GLMN: variants seen among roughly 807,000 people sequenced by gnomAD.
GLMN encodes the protein glomulin.
A neutral mutation model predicts 87.8 loss-of-function variants in GLMN; 75 were observed. The observed-to-expected ratio is 0.85, with a 90% CI of 0.71 to 1.04. The LOEUF (loss-of-function observed/expected upper bound fraction) is 1.04, where lower values mean the gene tolerates loss of function less well. Ranked by LOEUF, GLMN falls within the 50% of genes least tolerant of loss-of-function variation. GLMN has a pLI of 0.00. For synonymous variants in GLMN, 206 were observed against 221.6 expected (o/e 0.93, Z 0.63); for missense variants, 588 against 658.8 (o/e 0.89, Z 1.18).
At chr1:92,273,089 T>C (rs1656417274) in intron 7 of GLMN, among the ~76,000 whole-genome samples, 1 of 152,170 alleles carries the variant, frequency 6.6e-6, no homozygotes, top group African/African-American at 2.4e-5. Flanking sequence ...TTTTATTCAA[T>C]AAACACTTAA....
At chr1:92,295,856 A>C (rs1405735637) in intron 3 of GLMN, among the ~76,000 whole-genome samples, 1 of 152,280 alleles carries the variant, frequency 6.6e-6, no homozygotes, top group Non-Finnish European at 1.5e-5. Flanking sequence ...TGGTACATGT[A>C]AACATGCAAT....
the GLMN span, chr1:92,363,807 AT>A: frequency 3.7e-4 from 100 of 271,936 alleles, no homozygotes; most frequent in South Asian, 7.1e-4. Flanking sequence ...TTTGCTTAAC[AT>A]TTTTTTTCCT....
chr1:92,289,254 C>T, intron 5 of GLMN, 103 bp from the exon 6 acceptor site: 1 of 776,568 alleles, frequency 1.3e-6, no homozygotes. Context: ...CACATTTTAA[C>T]AACTCTTGAA....
At chr1:92,325,042 T>A in the GLMN span, among the ~76,000 whole-genome samples, 1 of 152,200 alleles carries the variant, frequency 6.6e-6, no homozygotes. Flanking sequence ...TATAAAGCAT[T>A]TATCACAGTA....
At chr1:92,328,086 ATTCT>A in the GLMN span, among the ~76,000 whole-genome samples, 1 of 152,160 alleles carries the variant, frequency 6.6e-6, no homozygotes, top group Admixed American at 6.5e-5. Flanking sequence ...TGCTCTTAAG[ATTCT>A]TTCCTTCATC....
chr1:92,310,377 C>T, the GLMN span, among the ~76,000 whole-genome samples: 1 of 152,138 alleles, frequency 6.6e-6, no homozygotes, highest in Non-Finnish European at 1.5e-5. Context: ...AGCTATTGCA[C>T]ATTTAAGCTC....
chr1:92,346,169 GTTT>G, the GLMN span, among the ~76,000 whole-genome samples: 1 of 140,382 alleles, frequency 7.1e-6, no homozygotes. Context: ...TCTCTTTTTT[GTTT>G]TTTTTTTTTG....
chr1:92,321,302 T>C, the GLMN span, among the ~76,000 whole-genome samples: 1 of 152,188 alleles, frequency 6.6e-6, no homozygotes, highest in African/African-American at 2.4e-5. Flanking sequence ...GTTAAATTGT[T>C]CTAATTTTTT....
At chr1:92,322,324 C>T in the GLMN span, among the ~76,000 whole-genome samples, 2 of 151,874 alleles carry the variant, frequency 1.3e-5, no homozygotes, top group South Asian at 4.2e-4. Flanking sequence ...ACAGGTGGAT[C>T]ACTTGAGGTC....
upstream of GLMN, among the ~76,000 whole-genome samples, chr1:92,302,223 G>A (rs1487512854): frequency 2.6e-5 from 4 of 151,852 alleles, no homozygotes; most frequent in Non-Finnish European, 5.9e-5. Context: ...GTTGCAGTGA[G>A]CTGAGATCAC....
At chr1:92,370,109 TC>T in the GLMN span, among the ~76,000 whole-genome samples, 1 of 152,212 alleles carries the variant, frequency 6.6e-6, no homozygotes, top group Non-Finnish European at 1.5e-5. Flanking sequence ...TGTCTTGAAC[TC>T]CTGGCCAAAA....
At chr1:92,262,987 A>G (rs1302349223) in intron 15 of GLMN, 61 bp from the exon 16 acceptor site, 10 of 716,730 alleles carry the variant, frequency 1.4e-5, no homozygotes, top group Non-Finnish European at 2.3e-5. Context: ...AGCAATCTCA[A>G]TAAGCTAAAA....
intron 16 of GLMN, chr1:92,248,308 C>T (rs1166052818): frequency 4.1e-6 from 1 of 244,312 alleles, no homozygotes; most frequent in Non-Finnish European, 8.0e-6. Flanking sequence ...GAGCCATCTC[C>T]ACAATGACTC....
In GLMN at chr1:92,271,497, G is replaced by A. The variant is rs1317515304; in HGVS notation, c.891C>T (p.Gly297=). 6.2e-7 allele frequency: 1 copy of A among 1,612,762 alleles called. No individual in the cohort carries two copies. ...CCATTGGAAGCTGATCAATATGGAT[G>A]CCCTGTACAAATACTAGATATGCCA... ...ASLAYLVFVQ[G]IHIDQLPMVL... The change falls in exon 8 of 19, where the codon GGC becomes GGT. Residue 297 remains glycine, a synonymous_variant. Transcript: ENST00000370360.
intron 16 of GLMN, among the ~76,000 whole-genome samples, chr1:92,252,515 C>T (rs918004937): frequency 2.6e-5 from 4 of 152,098 alleles, no homozygotes; most frequent in Non-Finnish European, 5.9e-5. Flanking sequence ...TGGCAATAGC[C>T]CATAATCATA....
chr1:92,307,401 G>T, the GLMN span: 2 of 591,430 alleles, frequency 3.4e-6, no homozygotes, highest in Non-Finnish European at 5.7e-6. Context: ...TACTTTATGG[G>T]GAAATGGTTA....
chr1:92,315,371 A>G, the GLMN span, among the ~76,000 whole-genome samples: 2 of 152,224 alleles, frequency 1.3e-5, no homozygotes, highest in African/African-American at 2.4e-5. Flanking sequence ...ATTACCACAT[A>G]TTACTATAAC....
the GLMN span, among the ~76,000 whole-genome samples, chr1:92,347,226 G>T: frequency 6.6e-6 from 1 of 152,218 alleles, no homozygotes; most frequent in African/African-American, 2.4e-5. Flanking sequence ...ACTATTCAGT[G>T]TTCCAGCTGA....
At chr1:92,314,732 G>T in the GLMN span, among the ~76,000 whole-genome samples, 2 of 140,284 alleles carry the variant, frequency 1.4e-5, no homozygotes, top group African/African-American at 5.4e-5. Flanking sequence ...AACAGAGTGA[G>T]ACTCCATCTC....
Sources: allele counts gnomAD v4.1 joint callset (sites outside exome capture counted in the v4.1 genomes callset), GRCh38; gene constraint gnomAD v4.1.1; transcripts MANE v1.5; gene names NCBI Gene and HGNC (gene_info 2026-07-23, HGNC 2026-07-21).